Variants in ST3GAL1 observed in about 807,000 individuals in gnomAD.
ST3GAL1 encodes CMP-N-acetylneuraminate-beta-galactosamide-alpha-2,3-sialyltransferase 1.
Under a neutral mutation model 34.1 loss-of-function variants are expected in ST3GAL1, and 16 were observed. The observed-to-expected ratio is 0.47, with a 90% CI of 0.32 to 0.71. The LOEUF (loss-of-function observed/expected upper bound fraction) is 0.71, where lower values mean the gene tolerates loss of function less well. Ranked by LOEUF, ST3GAL1 falls within the 30% of genes least tolerant of loss-of-function variation. The pLI, the probability that ST3GAL1 is intolerant of heterozygous loss-of-function variation, is 0.04. For synonymous variants in ST3GAL1, 191 were observed against 184.7 expected (o/e 1.03, Z -0.28); for missense variants, 353 against 447.4 (o/e 0.79, Z 1.90).
intron 5 of ST3GAL1, among the ~76,000 whole-genome samples, chr8:133,472,183 C>T (rs1025720694): frequency 9.3e-6 from 1 of 107,908 alleles, no homozygotes; most frequent in Non-Finnish European, 1.9e-5. Context: ...TTTAACTCAA[C>T]TCAACTCAAC....
chr8:133,485,754 G>A (rs1176210676), intron 3 of ST3GAL1, among the ~76,000 whole-genome samples: 1 of 129,368 alleles, frequency 7.7e-6, no homozygotes, highest in African/African-American at 3.0e-5. Flanking sequence ...CTTAGGAGGT[G>A]TCATGGGCTG....
intron 1 of ST3GAL1, among the ~76,000 whole-genome samples, chr8:133,564,519 T>TACACACACACACACACACACACAC (rs60855292): frequency 3.4e-5 from 5 of 145,844 alleles, no homozygotes; most frequent in African/African-American, 7.7e-5. Context: ...AAAGAGAAAA[T>TACACACACACACACACACACACAC]ACACACACAC....
At chr8:133,565,151 C>CTGTGTGTGTGTGTGTGTGTG (rs60990775) in intron 1 of ST3GAL1, among the ~76,000 whole-genome samples, 1 of 139,306 alleles carries the variant, frequency 7.2e-6, no homozygotes, top group Non-Finnish European at 1.5e-5. Context: ...CTCTGTGTGC[C>CTGTGTGTGTGTGTGTGTGTG]TGTGTGTGTG....
intron 5 of ST3GAL1, among the ~76,000 whole-genome samples, chr8:133,472,109 G>C (rs1198325782): frequency 6.6e-6 from 1 of 152,056 alleles, no homozygotes; most frequent in Non-Finnish European, 1.5e-5. Context: ...TCCAGCCTGG[G>C]ATGGTGGTGC....
At chr8:133,532,567 T>C (rs1448276461) in intron 2 of ST3GAL1, among the ~76,000 whole-genome samples, 2 of 152,206 alleles carry the variant, frequency 1.3e-5, no homozygotes, top group African/African-American at 4.8e-5. Flanking sequence ...ATATAGAATA[T>C]GATACATATT....
intron 1 of ST3GAL1, among the ~76,000 whole-genome samples, chr8:133,569,555 G>A (rs1251500936): frequency 6.6e-6 from 1 of 152,226 alleles, no homozygotes; most frequent in African/African-American, 2.4e-5. Flanking sequence ...AGAGAGACGG[G>A]AGACTAGAAG....
chr8:133,509,997 T>A (rs528669328), intron 2 of ST3GAL1, among the ~76,000 whole-genome samples: 18 of 150,066 alleles, frequency 1.2e-4, no homozygotes, highest in Admixed American at 6.0e-4. Context: ...AGGCAGAGGT[T>A]GCAGTGAGCC....
chr8:133,524,524 C>T (rs117392044), intron 2 of ST3GAL1, among the ~76,000 whole-genome samples: 3,695 of 152,378 alleles, frequency 0.024, 75 homozygotes, highest in Non-Finnish European at 0.039. Context: ...ATGTCACCCA[C>T]TTGGCCCAAC....
chr8:133,549,139 G>T (rs916317869), intron 1 of ST3GAL1, among the ~76,000 whole-genome samples: 2 of 152,314 alleles, frequency 1.3e-5, no homozygotes, highest in African/African-American at 4.8e-5. Context: ...GGTGGCTCAC[G>T]CCTGTAATCC....
rs77871396 is a variant in ST3GAL1, at chr8:133,547,272, T to A, written c.-581-1346A>T. 2.0e-4 allele frequency among the ~76,000 whole-genome samples: 31 copies of A among 152,008 alleles called. 1 individual carries two copies. In the East Asian group the frequency reaches 6.0e-3, roughly 30 times the overall value. On this transcript the variant is annotated intron_variant, in intron 1 of 9. Coordinates refer to ENST00000522652, the MANE Select transcript of ST3GAL1 (RefSeq NM_173344.3). ...AGTTCCTCTCTCTTGCTGCTGAGAA[T>A]CATTCTTTTTTTTTTTGAGATGGGT...
At chr8:133,497,672 C>T (rs1350502977) in intron 3 of ST3GAL1, among the ~76,000 whole-genome samples, 2 of 151,942 alleles carry the variant, frequency 1.3e-5, no homozygotes. Context: ...AGGGTTTCAC[C>T]ATGTTGGCCA....
rs530455348 is a variant in ST3GAL1, at chr8:133,508,741, C to CA, written c.-428-9553dup. 1.1e-4 allele frequency among the ~76,000 whole-genome samples: 16 copies of CA among 152,174 alleles called. No individual in the cohort carries two copies. In the South Asian group the frequency reaches 3.3e-3, roughly 32 times the overall value. ...GACTCGTTGGGTCCCAAGAATGTGC[C>CA]AGGCTCTCTTTGGGATACTGGAGAT... On this transcript the variant is annotated intron_variant, in intron 2 of 9. Coordinates refer to ENST00000522652, the MANE Select transcript of ST3GAL1 (RefSeq NM_173344.3). This position sits in a 1 kb window ranked among gnomAD's most constrained non-coding sequence, Gnocchi z 4.1.
rs538049475 is a variant in ST3GAL1 at position 133,464,557 on chromosome 8, T to C, written c.683+221A>G. Among the ~76,000 whole-genome samples, 4 of 152,338 alleles carry C rather than the reference T, an allele frequency of 2.6e-5. No homozygotes were observed. In the South Asian group the frequency reaches 8.3e-4, roughly 32 times the overall value. On this transcript the variant is annotated intron_variant, in intron 7 of 9. Transcript: ENST00000522652. ...CGCGTGGAGGTCCCTTCAGGAATTG[T>C]TAGCAAGAGGACACTAAAGCTTGTG...
intron 2 of ST3GAL1, among the ~76,000 whole-genome samples, chr8:133,516,852 C>T (rs1423549245): frequency 1.3e-5 from 2 of 152,176 alleles, no homozygotes; most frequent in African/African-American, 2.4e-5. Flanking sequence ...GATAGGCAGG[C>T]TCTCTAAGAA....
chr8:133,557,111 G>A (rs1432451775), intron 1 of ST3GAL1, among the ~76,000 whole-genome samples: 1 of 152,186 alleles, frequency 6.6e-6, no homozygotes, highest in East Asian at 1.9e-4. Context: ...CAAGCTCAAA[G>A]CCTGATTAGA....
At chr8:133,498,179 T>C (rs1586619710) in intron 3 of ST3GAL1, among the ~76,000 whole-genome samples, 1 of 152,142 alleles carries the variant, frequency 6.6e-6, no homozygotes, top group African/African-American at 2.4e-5. Context: ...CCCTCTGTCT[T>C]CCCCCGCCAG....
chr8:133,463,010 G>A (rs115269429), intron 8 of ST3GAL1, among the ~76,000 whole-genome samples: 4,105 of 152,336 alleles, frequency 0.027, 87 homozygotes, highest in African/African-American at 0.056. Flanking sequence ...CATGCCAGGG[G>A]CCTGCTGGGG....
Position 133,461,609 on chromosome 8 carries a change from G to A in ST3GAL1, c.849+266C>T, listed in dbSNP as rs1442594895. On this transcript the variant is annotated intron_variant, in intron 9 of 9. Transcript: ENST00000522652. This position sits in a 1 kb window ranked among gnomAD's most constrained non-coding sequence, Gnocchi z 4.7. The stretch of plus-strand genomic sequence containing the variant: ...CGCTTCTGTATCCGGAATCTGCTGC[G>A]AGATCCGAGCTTCCACCACCACGGT... 6.6e-6 allele frequency among the ~76,000 whole-genome samples: 1 copy of A among 152,184 alleles called. No homozygotes were observed. The highest frequency in any genetic ancestry group is 2.4e-5 in the African/African-American group (1 of 41,432).
Position 133,556,161 on chromosome 8 carries a change from G to C in ST3GAL1, c.-581-10235C>G, listed in dbSNP as rs1455156685. 6.6e-6 allele frequency among the ~76,000 whole-genome samples: 1 copy of C among 152,138 alleles called. No homozygotes were observed. Among genetic ancestry groups the C allele is most frequent in the Non-Finnish European group, 1.5e-5 (1 of 68,022 alleles). On this transcript the variant is annotated intron_variant, in intron 1 of 9. Coordinates refer to ENST00000522652, the MANE Select transcript of ST3GAL1 (RefSeq NM_173344.3). The surrounding 1 kb of genome is among the most constrained non-coding windows in gnomAD (Gnocchi z 8.9). Reference sequence around the variant, plus strand: ...TCCACCCATCTCGGCCTCCCAAAGTGCTAGGATTGCAGGCATGAGCCACCA... The same window carrying C: ...TCCACCCATCTCGGCCTCCCAAAGTCCTAGGATTGCAGGCATGAGCCACCA...
Sources: allele counts gnomAD v4.1 joint callset (sites outside exome capture counted in the v4.1 genomes callset), GRCh38; gene constraint gnomAD v4.1.1; non-coding constraint Gnocchi (gnomAD v3.1); transcripts MANE v1.5; gene names NCBI Gene and HGNC (gene_info 2026-07-23, HGNC 2026-07-21).